The following CCSER1 variants were observed in gnomAD, a reference collection of about 807,000 sequenced individuals.
The protein encoded by CCSER1 is coiled-coil serine rich protein 1.
CCSER1 carries 41 observed loss-of-function variants against 82.0 expected under a neutral mutation model. The observed-to-expected ratio is 0.50, with a 90% CI of 0.39 to 0.65. The LOEUF (loss-of-function observed/expected upper bound fraction) is 0.65. Among genes scored for constraint, CCSER1 ranks in the 30% least tolerant of loss-of-function variants. CCSER1 has a pLI of 0.00. For synonymous variants in CCSER1, 414 were observed against 383.9 expected (o/e 1.08, Z -0.92); for missense variants, 1,119 against 1,064.2 (o/e 1.05, Z -0.72).
At chr4:90,247,629 A>G (rs1343081217) in intron 1 of CCSER1, among the ~76,000 whole-genome samples, 2 of 152,254 alleles carry the variant, frequency 1.3e-5, no homozygotes, top group South Asian at 2.1e-4. Flanking sequence ...TTTGGAAAAC[A>G]TGTTTCTATA....
chr4:90,263,958 G>A (rs143196760), intron 1 of CCSER1, among the ~76,000 whole-genome samples: 18 of 152,318 alleles, frequency 1.2e-4, no homozygotes, highest in African/African-American at 4.1e-4. Context: ...ATCAAGGAAA[G>A]TCAGAGCACA....
chr4:90,700,391 A>G (rs1418200850), intron 6 of CCSER1, among the ~76,000 whole-genome samples: 2 of 152,128 alleles, frequency 1.3e-5, no homozygotes, highest in Non-Finnish European at 2.9e-5. Flanking sequence ...TCTATCATTG[A>G]TGGACATTTG....
At chr4:90,355,404 G>A (rs777484975) in intron 3 of CCSER1, among the ~76,000 whole-genome samples, 1 of 151,828 alleles carries the variant, frequency 6.6e-6, no homozygotes, top group Admixed American at 6.6e-5. Context: ...TTTGTGTTAG[G>A]TCTCCTGCTT....
intron 4 of CCSER1, among the ~76,000 whole-genome samples, chr4:90,427,608 A>G (rs150214670): frequency 4.6e-4 from 70 of 151,830 alleles, no homozygotes; most frequent in Non-Finnish European, 9.5e-4. Flanking sequence ...ATGAAACATC[A>G]TGGAACAATC....
At chr4:91,308,377 T>A (rs1361013100) in intron 10 of CCSER1, among the ~76,000 whole-genome samples, 1 of 151,994 alleles carries the variant, frequency 6.6e-6, no homozygotes, top group Non-Finnish European at 1.5e-5. Flanking sequence ...GAAGGAAATG[T>A]TCCATAAGTG....
At chr4:90,783,970 CA>C (rs201141464) in intron 7 of CCSER1, among the ~76,000 whole-genome samples, 1 of 150,790 alleles carries the variant, frequency 6.6e-6, no homozygotes, top group African/African-American at 2.4e-5. Context: ...CTGCAACTTA[CA>C]AAAAAAAAGA....
chr4:91,234,332 C>A (rs1319722813), intron 10 of CCSER1, among the ~76,000 whole-genome samples: 1 of 152,022 alleles, frequency 6.6e-6, no homozygotes, highest in East Asian at 1.9e-4. Flanking sequence ...TGAAGATACT[C>A]ATCAATTTGC....
chr4:91,063,025 C>T (rs1744087228), intron 9 of CCSER1, among the ~76,000 whole-genome samples: 1 of 152,024 alleles, frequency 6.6e-6, no homozygotes, highest in South Asian at 2.1e-4. Flanking sequence ...AAATAATATT[C>T]ACATTCATAT....
intron 10 of CCSER1, among the ~76,000 whole-genome samples, chr4:91,410,823 C>G (rs1752977552): frequency 6.6e-6 from 1 of 151,942 alleles, no homozygotes; most frequent in Non-Finnish European, 1.5e-5. Flanking sequence ...GTTTTATAAG[C>G]ATGTATCCAA....
rs1739847849 is a variant in CCSER1, at chr4:91,247,065, G to A, written c.2217+161071G>A. 2.0e-5 allele frequency among the ~76,000 whole-genome samples: 3 copies of A among 152,102 alleles called. No homozygotes were observed. The South Asian group carries it at 6.2e-4, about 31-fold the overall frequency. ...ACCTGTAATCCCAGCACTTTGGGAG[G>A]CCGAGGCGGGTGGATCACGAGGTCA... On this transcript the variant is annotated intron_variant, in intron 10 of 10. Coordinates refer to ENST00000509176, the MANE Select transcript of CCSER1 (RefSeq NM_001145065.2).
intron 10 of CCSER1, among the ~76,000 whole-genome samples, chr4:91,126,522 A>T (rs983356584): frequency 6.6e-6 from 1 of 151,994 alleles, no homozygotes; most frequent in Non-Finnish European, 1.5e-5. Context: ...TCATAAAATA[A>T]ATAATCATAG....
At position 90,916,779 on chromosome 4, in the gene CCSER1, T is replaced by A. The variant is rs1047622810; in HGVS notation, c.2095-6591T>A. Among the ~76,000 whole-genome samples, 180 of 151,904 alleles carry A rather than the reference T, an allele frequency of 1.2e-3. 1 individual carries two copies. The highest frequency in any genetic ancestry group is 2.4e-3 in the Admixed American group (37 of 15,242). On this transcript the variant is annotated intron_variant, in intron 8 of 10. Coordinates refer to ENST00000509176, the MANE Select transcript of CCSER1 (RefSeq NM_001145065.2). ...AATCTACTCATCTGACAAAGGGCTA[T>A]TATCCAGAATCTACAAAGAACTCAA...
intron 10 of CCSER1, among the ~76,000 whole-genome samples, chr4:91,354,963 G>A (rs1748726763): frequency 6.6e-6 from 1 of 152,098 alleles, no homozygotes; most frequent in African/African-American, 2.4e-5. Flanking sequence ...GTTTACACTA[G>A]GATCTAGTCC....
intron 8 of CCSER1, among the ~76,000 whole-genome samples, chr4:90,915,052 C>T (rs911312873): frequency 2.6e-5 from 4 of 152,140 alleles, no homozygotes; most frequent in Middle Eastern, 3.2e-3. Flanking sequence ...AAGTCCTGGA[C>T]CAGACGGATT....
intron 6 of CCSER1, among the ~76,000 whole-genome samples, chr4:90,652,060 G>A (rs1041625049): frequency 6.6e-6 from 1 of 151,998 alleles, no homozygotes; most frequent in Admixed American, 6.6e-5. Flanking sequence ...TTATGAAACT[G>A]GGGCATACTA....
chr4:90,403,211 C>T (rs567448096), intron 4 of CCSER1, among the ~76,000 whole-genome samples: 2 of 152,030 alleles, frequency 1.3e-5, no homozygotes, highest in Non-Finnish European at 2.9e-5. Context: ...TTAAAGACCT[C>T]AGATTAGGCC....
intron 5 of CCSER1, among the ~76,000 whole-genome samples, chr4:90,596,476 A>G (rs921459540): frequency 2.6e-5 from 4 of 151,886 alleles, no homozygotes; most frequent in Admixed American, 6.6e-5. Context: ...GCTTATTTCT[A>G]TATTGACTAT....
At chr4:91,517,386 A>G (rs1228001228) in intron 10 of CCSER1, among the ~76,000 whole-genome samples, 2 of 152,178 alleles carry the variant, frequency 1.3e-5, no homozygotes, top group Non-Finnish European at 2.9e-5. Flanking sequence ...TAGTCATTTG[A>G]GAGTTTTTAA....
At chr4:91,494,810 A>G (rs1758718956) in intron 10 of CCSER1, among the ~76,000 whole-genome samples, 1 of 151,816 alleles carries the variant, frequency 6.6e-6, no homozygotes, top group South Asian at 2.1e-4. Flanking sequence ...AGCTAATTGT[A>G]TGATATTTAT....
Sources: allele counts gnomAD v4.1 joint callset (sites outside exome capture counted in the v4.1 genomes callset), GRCh38; gene constraint gnomAD v4.1.1; transcripts MANE v1.5; gene names NCBI Gene and HGNC (gene_info 2026-07-23, HGNC 2026-07-21).